ZNF268: variants seen among roughly 807,000 people sequenced by gnomAD.
ZNF268 encodes the protein zinc finger protein 268.
Under a neutral mutation model 29.3 loss-of-function variants are expected in ZNF268, and 20 were observed. That is an observed-to-expected ratio of 0.68 (90% CI 0.48 to 0.99). The LOEUF (loss-of-function observed/expected upper bound fraction) is 0.99, where lower values mean the gene tolerates loss of function less well. Ranked by LOEUF, ZNF268 falls within the 50% of genes least tolerant of loss-of-function variation. ZNF268 has a pLI of 0.00. For synonymous variants in ZNF268, 429 were observed against 376.9 expected, an observed-to-expected ratio of 1.14 and a Z score of -1.60; for missense variants, 1,240 against 1,121.6, an observed-to-expected ratio of 1.11 and a Z score of -1.51.
Position 133,181,990 on chromosome 12 carries a change from C to T in ZNF268, c.-8C>T. 1 of 1,564,576 alleles carries T rather than the reference C, an allele frequency of 6.4e-7. No homozygotes were observed. The highest frequency in any genetic ancestry group is 2.4e-5 in the East Asian group (1 of 42,058). On this transcript the variant is annotated 5_prime_UTR_variant, in exon 2 of 6. Transcript: ENST00000536435. The stretch of plus-strand genomic sequence containing the variant: ...CTTCCAGCGAGGCACACAAAACTGA[C>T]CGTAGGGATGGCCACCAGGGTCCGG...
At position 133,202,677 on chromosome 12, in the gene ZNF268, C is replaced by T. The variant is rs775121291; in HGVS notation, c.991C>T (p.Leu331=). 6.2e-7 allele frequency: 1 copy of T among 1,608,800 alleles called. No homozygotes were observed. The highest frequency in any genetic ancestry group is 8.5e-7 in the Non-Finnish European group (1 of 1,177,320). The change falls in exon 6 of 6, where the codon CTA becomes TTA. Residue 331 remains leucine, a synonymous_variant. Coordinates refer to ENST00000536435, the MANE Select transcript of ZNF268 (RefSeq NM_003415.3). The part of the protein sequence containing the change: ...VHQRIHTGEK[L]HECSECRKTF... ...TCAGAGAATTCATACAGGAGAGAAA[C>T]TACATGAATGCAGTGAATGCAGGAA... is the stretch of plus-strand genomic sequence containing the variant.
In ZNF268 at chr12:133,181,999, TG is replaced by T; in HGVS notation, c.4del (p.Ala2?). On this transcript the variant is annotated frameshift_variant and start_lost, in exon 2 of 6. Coordinates refer to ENST00000536435, the MANE Select transcript of ZNF268 (RefSeq NM_003415.3). LOFTEE classifies it high-confidence loss of function. MATRVRTASIW... is the reference protein window; with the variant it reads XATRVRTASIW... ...AGGCACACAAAACTGACCGTAGGGATGGCCACCAGGGTCCGGACAGCTTCTA... is the reference window on the plus strand; with the variant it reads ...AGGCACACAAAACTGACCGTAGGGATGCCACCAGGGTCCGGACAGCTTCTA... The T allele has an allele frequency of 1.3e-6, 2 of 1,566,004 alleles. No homozygotes were observed. Among genetic ancestry groups the T allele is most frequent in the Non-Finnish European group, 8.7e-7 (1 of 1,154,990 alleles).
intron 5 of ZNF268, among the ~76,000 whole-genome samples, chr12:133,200,525 C>G (rs1956728132): frequency 6.6e-6 from 1 of 152,134 alleles, no homozygotes; most frequent in Admixed American, 6.6e-5. Flanking sequence ...GTGGAGAGTT[C>G]TGTAGATGTC....
rs147011522 is a variant in ZNF268 at position 133,210,470 on chromosome 12, T to G, written c.*5940T>G. 129,955 of 197,646 alleles carry G rather than the reference T, an allele frequency of 0.66. 43,601 individuals are homozygous for G. The highest frequency in any genetic ancestry group is 0.92 in the East Asian group (8,015 of 8,742). The allele number at this position is 197,646 out of a possible 1,614,324, so 12.2% of individuals were successfully genotyped here. A position where few individuals can be genotyped will look rare whatever the true frequency, so the allele number is the denominator to read the frequency against. Reference sequence around the variant, plus strand: ...GAACCTCACTGTGGATTTGCCCCACTAGGGTCCCTAGGTCAGTCCTGAAGA... The same window carrying G: ...GAACCTCACTGTGGATTTGCCCCACGAGGGTCCCTAGGTCAGTCCTGAAGA... On this transcript the variant is annotated 3_prime_UTR_variant, in exon 6 of 6. Coordinates refer to ENST00000536435, the MANE Select transcript of ZNF268 (RefSeq NM_003415.3).
intron 2 of ZNF268, among the ~76,000 whole-genome samples, chr12:133,184,265 C>CT (rs1242253686): frequency 2.0e-5 from 3 of 150,218 alleles, no homozygotes; most frequent in African/African-American, 7.6e-5. Context: ...CCACGCCCAG[C>CT]TAATTTTTTT....
chr12:133,181,827 G>A, intron 1 of ZNF268, 119 bp from the exon 2 acceptor site: 1 of 673,828 alleles, frequency 1.5e-6, no homozygotes, highest in Non-Finnish European at 2.6e-6. Flanking sequence ...ATCCCGTGCT[G>A]TGGGAGGGAA....
chr12:133,181,986 C>T lies in ZNF268; in HGVS notation c.-12C>T, dbSNP rs886219467. 6.4e-7 allele frequency: 1 copy of T among 1,563,916 alleles called. No homozygotes were observed. The highest frequency in any genetic ancestry group is 1.9e-5 in the Admixed American group (1 of 52,276). On this transcript the variant is annotated 5_prime_UTR_variant, in exon 2 of 6. Coordinates refer to ENST00000536435, the MANE Select transcript of ZNF268 (RefSeq NM_003415.3). ...GTCACTTCCAGCGAGGCACACAAAA[C>T]TGACCGTAGGGATGGCCACCAGGGT...
intron 5 of ZNF268, among the ~76,000 whole-genome samples, chr12:133,197,321 AATG>A (rs1956636301): frequency 6.7e-6 from 1 of 150,290 alleles, no homozygotes; most frequent in African/African-American, 2.4e-5. Flanking sequence ...GTTTACTGAG[AATG>A]ATGATTTCCA....
At chr12:133,191,685 G>A (rs1300241742) in intron 4 of ZNF268, 70 bp downstream of exon 4, 1 of 1,589,974 alleles carries the variant, frequency 6.3e-7, no homozygotes, top group Admixed American at 1.8e-5. Flanking sequence ...GAAAACTGGA[G>A]GGCTTCTATG....
At position 133,202,152 on chromosome 12, in the gene ZNF268, T is replaced by A; in HGVS notation, c.466T>A (p.Trp156Arg). The stretch of plus-strand genomic sequence containing the variant: ...ATTGTTCTCATTTCTAGACACAGTC[T>A]GGAAAATTGATGATCTTATGGATTG... ...VPNQTCPNTV[W>R]KIDDLMDWHQ... is the part of the protein sequence containing the mutation. Residue 156 changes from tryptophan to arginine, a missense_variant, in exon 6 of 6, where the codon TGG becomes AGG. Trp to Arg is a moderately radical substitution (Grantham distance 101). Around this residue, in one of 3 missense-constraint regions of ZNF268, gnomAD observed 1,177 missense variants for 1,039.6 expected, o/e 1.13. Coordinates refer to ENST00000536435, the MANE Select transcript of ZNF268 (RefSeq NM_003415.3). The A allele has an allele frequency of 1.9e-5, 30 of 1,579,238 alleles. No homozygotes were observed. The highest frequency in any genetic ancestry group is 2.6e-5 in the Non-Finnish European group (30 of 1,163,364).
At chr12:133,181,916 CCT>C (rs1421038671) in intron 1 of ZNF268, 28 bp from the exon 2 acceptor site, 3 of 1,479,538 alleles carry the variant, frequency 2.0e-6, no homozygotes, top group Non-Finnish European at 1.8e-6. Flanking sequence ...TGCTGGGTGA[CCT>C]CTTTCTTCAC....
Position 133,191,598 on chromosome 12 carries a change from G to A in ZNF268, c.344G>A (p.Ser115Asn). 6.2e-7 allele frequency: 1 copy of A among 1,614,080 alleles called. No homozygotes were observed. Among genetic ancestry groups the A allele is most frequent in the Non-Finnish European group, 8.5e-7 (1 of 1,180,004 alleles). Residue 115 changes from serine (S) to asparagine (N), a missense_variant, in exon 4 of 6, where the codon AGC becomes AAC. By Grantham distance (46) the Ser-to-Asn change is conservative. Coordinates refer to ENST00000536435, the MANE Select transcript of ZNF268 (RefSeq NM_003415.3). The part of the protein sequence containing the change: ...LYRSVMLENY[S>N]NLVSLGYQHT... ...AGGAGTGTGATGTTGGAGAACTATAGCAACCTGGTGTCCCTAGGTAAGTGC... is the reference window on the plus strand; with the variant it reads ...AGGAGTGTGATGTTGGAGAACTATAACAACCTGGTGTCCCTAGGTAAGTGC...
intron 2 of ZNF268, among the ~76,000 whole-genome samples, chr12:133,184,114 CTT>C (rs113751729): frequency 6.8e-6 from 1 of 146,188 alleles, no homozygotes; most frequent in Non-Finnish European, 1.5e-5. Flanking sequence ...TTCTTGTTTT[CTT>C]TTTTTTTTTG....
intron 5 of ZNF268, among the ~76,000 whole-genome samples, chr12:133,199,225 A>C (rs1190627170): frequency 6.6e-6 from 1 of 152,148 alleles, no homozygotes; most frequent in Non-Finnish European, 1.5e-5. Flanking sequence ...TACCTAATTT[A>C]TTGAGAGTTT....
intron 5 of ZNF268, among the ~76,000 whole-genome samples, chr12:133,194,823 C>T (rs1018726468): frequency 2.6e-5 from 4 of 152,180 alleles, no homozygotes; most frequent in Non-Finnish European, 1.5e-5. Context: ...CACTGTCTGC[C>T]TTCACCTTCC....
rs1566395542 is a variant in ZNF268 at position 133,209,470 on chromosome 12, A to G, written c.*4940A>G. ...ATATTTAAATTTAAATGAAGTTGCA[A>G]GTTTTAACATGTCTACTCTTTAATT... is the stretch of plus-strand genomic sequence containing the variant. On this transcript the variant is annotated 3_prime_UTR_variant, in exon 6 of 6. Transcript: ENST00000536435. 6.6e-6 allele frequency: 1 copy of G among 152,218 alleles called. No individual in the cohort carries two copies. Among genetic ancestry groups the G allele is most frequent in the Non-Finnish European group, 1.5e-5 (1 of 68,032 alleles). The allele number at this position is 152,218 out of a possible 1,614,324, so 9.4% of individuals were successfully genotyped here.
chr12:133,197,892 T>C (rs4614495), intron 5 of ZNF268, among the ~76,000 whole-genome samples: 27,604 of 152,038 alleles, frequency 0.18, 3,211 homozygotes, highest in Non-Finnish European at 0.26. Flanking sequence ...GTTGTTTTTT[T>C]CTTGTAAATT....
At position 133,191,823 on chromosome 12, in the gene ZNF268, C is replaced by T. The variant is rs768611073; in HGVS notation, c.362-85C>T. 2.6e-6 allele frequency: 4 copies of T among 1,546,010 alleles called. No individual in the cohort carries two copies. The African/African-American group carries it at 5.4e-5, about 21-fold the overall frequency. On this transcript the variant is annotated intron_variant, in intron 4 of 5. Coordinates refer to ENST00000536435, the MANE Select transcript of ZNF268 (RefSeq NM_003415.3). ...CAAAAAGGCAGCTTCATCATGCTAC[C>T]TCCAAACCAAATCTTTCCCGTTCTT...
chr12:133,188,084 A>G lies in ZNF268; in HGVS notation c.234+12A>G, dbSNP rs539481747. 38 of 1,563,206 alleles carry G rather than the reference A, an allele frequency of 2.4e-5. No homozygotes were observed. The highest frequency in any genetic ancestry group is 1.8e-4 in the South Asian group (15 of 84,676). The stretch of plus-strand genomic sequence containing the variant: ...TCACCAAGTCCTGGGTGAGCTTCTC[A>G]TTTGTTTATTCCTAGTGTTTTCTTT... On this transcript the variant is annotated intron_variant, in intron 3 of 5. Coordinates refer to ENST00000536435, the MANE Select transcript of ZNF268 (RefSeq NM_003415.3).
Sources: allele counts gnomAD v4.1 joint callset (sites outside exome capture counted in the v4.1 genomes callset), GRCh38; gene constraint gnomAD v4.1.1; regional missense constraint gnomAD v4.1.1; transcripts MANE v1.5; gene names NCBI Gene and HGNC (gene_info 2026-07-23, HGNC 2026-07-21).